Variants in ATMIN observed in about 807,000 individuals in gnomAD.
ATMIN encodes the protein ATM interactor, also known as ATM INteracting protein.
ATMIN carries 24 observed loss-of-function variants against 49.2 expected under a neutral mutation model. That is an observed-to-expected ratio of 0.49 (90% CI 0.35 to 0.69). The LOEUF (loss-of-function observed/expected upper bound fraction) is 0.69, where lower values mean the gene tolerates loss of function less well. Ranked by LOEUF, ATMIN falls within the 30% of genes least tolerant of loss-of-function variation. The pLI, the probability that ATMIN is intolerant of heterozygous loss-of-function variation, is 0.00. For missense variants in ATMIN, 1,037 were observed against 1,005.5 expected (o/e 1.03, Z -0.42); for synonymous variants, 450 against 392.5 (o/e 1.15, Z -1.73).
chr16:81,041,654 C>A (rs977066447), intron 2 of ATMIN, 173 bp downstream of exon 2: 1 of 725,348 alleles, frequency 1.4e-6, no homozygotes, highest in Non-Finnish European at 2.2e-6. Context: ...GAGGGAAAAG[C>A]GGCACGGTCT....
At chr16:81,036,718 G>A (rs1970943190) in intron 1 of ATMIN, among the ~76,000 whole-genome samples, 2 of 152,180 alleles carry the variant, frequency 1.3e-5, no homozygotes, top group South Asian at 2.1e-4. Flanking sequence ...CTAGAAGAGA[G>A]GGTTTTAAAT....
intron 1 of ATMIN, 68 bp downstream of exon 1, chr16:81,036,274 C>CCG: frequency 6.0e-6 from 7 of 1,158,378 alleles, no homozygotes; most frequent in Non-Finnish European, 6.4e-6. Flanking sequence ...GGCGCCGGCG[C>CCG]GCGAAGCCGG....
At chr16:81,041,592 T>C in intron 2 of ATMIN, 111 bp downstream of exon 2, 10 of 1,330,288 alleles carry the variant, frequency 7.5e-6, no homozygotes, top group Non-Finnish European at 9.3e-6. Context: ...TGAGGGGAGA[T>C]GCCTGCGTGT....
At chr16:81,041,244 CTTAAT>C in intron 1 of ATMIN, 107 bp from the exon 2 acceptor site, 1 of 1,208,060 alleles carries the variant, frequency 8.3e-7, no homozygotes, top group Non-Finnish European at 1.2e-6. Flanking sequence ...TGGAAAAACT[CTTAAT>C]TAAAAGTATT....
Position 81,044,515 on chromosome 16 carries a change from C to G in ATMIN, c.2017C>G (p.Gln673Glu). The change falls in exon 4 of 4, where the codon CAA becomes GAA. Residue 673 changes from glutamine to glutamate, a missense_variant. Physicochemically the swap from Gln to Glu is conservative, Grantham distance 29. Transcript: ENST00000299575. ...PVLESLDIET[Q>E]TDFLLADTSA... ...CTTGGAGTCACTGGACATAGAGACT[C>G]AAACGGACTTCTTACTCGCAGATAC... is the stretch of plus-strand genomic sequence containing the variant. 1 of 1,614,124 alleles carries G rather than the reference C, an allele frequency of 6.2e-7. No homozygotes were observed. Among genetic ancestry groups the G allele is most frequent in the Non-Finnish European group, 8.5e-7 (1 of 1,180,036 alleles).
At position 81,044,553 on chromosome 16, in the gene ATMIN, C is replaced by A. The variant is rs74028902; in HGVS notation, c.2055C>A (p.Ser685=). The part of the protein sequence containing the change: ...DFLLADTSAQ[S]YGCRGNSNFL... ...TACTCGCAGATACCTCTGCTCAGTC[C>A]TATGGGTGTAGGGGAAATTCTAACT... Residue 685 remains serine, a synonymous_variant, in exon 4 of 4, where the codon TCC becomes TCA. Coordinates refer to ENST00000299575, the MANE Select transcript of ATMIN (RefSeq NM_015251.3). The A allele has an allele frequency of 8.0e-3, 12,853 of 1,613,968 alleles. 616 individuals are homozygous for A. In the African/African-American group the frequency reaches 0.12, roughly 15 times the overall value.
chr16:81,043,874 C>G lies in ATMIN; in HGVS notation c.1376C>G (p.Thr459Ser), dbSNP rs774496312. 1.9e-6 allele frequency: 3 copies of G among 1,614,090 alleles called. No individual in the cohort carries two copies. The highest frequency in any genetic ancestry group is 2.5e-6 in the Non-Finnish European group (3 of 1,180,062). ...GTGTCTCTTCCCATTAGTGTTCACACTCAGACATTTTTGCCCAGCTCTAAG... is the reference window on the plus strand; with the variant it reads ...GTGTCTCTTCCCATTAGTGTTCACAGTCAGACATTTTTGCCCAGCTCTAAG... ...SQVSLPISVH[T>S]QTFLPSSKVT... The change falls in exon 4 of 4, where the codon ACT (threonine) becomes AGT (serine). Residue 459 changes from threonine (T) to serine (S), a missense_variant. Coordinates refer to ENST00000299575, the MANE Select transcript of ATMIN (RefSeq NM_015251.3).
At position 81,043,766 on chromosome 16, in the gene ATMIN, A is replaced by G; in HGVS notation, c.1268A>G (p.Asn423Ser). 1.2e-6 allele frequency: 2 copies of G among 1,614,168 alleles called. No individual in the cohort carries two copies. Among genetic ancestry groups the G allele is most frequent in the Non-Finnish European group, 1.7e-6 (2 of 1,180,036 alleles). Reference sequence around the variant, plus strand: ...ACAGATCTGTCTTATGCCTCACAAAACTTTATACCTTCTGCACAGTGGGCC... The same window carrying G: ...ACAGATCTGTCTTATGCCTCACAAAGCTTTATACCTTCTGCACAGTGGGCC... ...VQTDLSYASQ[N>S]FIPSAQWATA... The change falls in exon 4 of 4, where the codon AAC becomes AGC. Residue 423 changes from asparagine (N) to serine (S), a missense_variant. Physicochemically the swap from Asn to Ser is conservative, Grantham distance 46. Transcript: ENST00000299575.
intron 1 of ATMIN, 68 bp downstream of exon 1, chr16:81,036,274 C>T (rs1308528611): frequency 6.9e-6 from 8 of 1,158,390 alleles, no homozygotes; most frequent in East Asian, 8.8e-5. Context: ...GGCGCCGGCG[C>T]GCGAAGCCGG....
chr16:81,042,917 A>G (rs1198149459), intron 3 of ATMIN, among the ~76,000 whole-genome samples: 1 of 152,174 alleles, frequency 6.6e-6, no homozygotes, highest in Non-Finnish European at 1.5e-5. Context: ...ATCTGAGTTG[A>G]GTTCTAGTAC....
At position 81,035,861 on chromosome 16, in the gene ATMIN, T is replaced by C. The variant is rs573547224; in HGVS notation, c.-10T>C. ...GCCTACGAACTGGGCCGGGCGGCCGTGCGGGAGCCATGGCGGCCTCGGAGG... is the reference window on the plus strand; with the variant it reads ...GCCTACGAACTGGGCCGGGCGGCCGCGCGGGAGCCATGGCGGCCTCGGAGG... On this transcript the variant is annotated 5_prime_UTR_variant, in exon 1 of 4. Transcript: ENST00000299575. 344 of 860,910 alleles carry C rather than the reference T, an allele frequency of 4.0e-4. 2 individuals carry two copies. The highest frequency in any genetic ancestry group is 6.3e-4 in the Admixed American group (10 of 15,806). The allele number at this position is 860,910 out of a possible 1,614,324, so 53.3% of individuals were successfully genotyped here. A position where few individuals can be genotyped will look rare whatever the true frequency, so the allele number is the denominator to read the frequency against.
chr16:81,041,303 C>T (rs1971033339), intron 1 of ATMIN, 53 bp from the exon 2 acceptor site: 4 of 1,559,288 alleles, frequency 2.6e-6, no homozygotes, highest in Non-Finnish European at 3.5e-6. Context: ...TCCACTCCAG[C>T]CTGTTGTGTT....
At chr16:81,040,899 G>C (rs964117453) in intron 1 of ATMIN, 7 of 153,644 alleles carry the variant, frequency 4.6e-5, no homozygotes, top group African/African-American at 1.7e-4. Context: ...GGGGCACTTA[G>C]AAGAGGACAG....
At chr16:81,036,269 C>G (rs1970930091) in intron 1 of ATMIN, 63 bp downstream of exon 1, 6 of 1,167,532 alleles carry the variant, frequency 5.1e-6, no homozygotes, top group Non-Finnish European at 6.3e-6. Context: ...CGCCCGGCGC[C>G]GGCGCGCGAA....
rs1971128370 is a variant in ATMIN, at chr16:81,046,706, T to G, written c.*1736T>G. 6.6e-6 allele frequency: 1 copy of G among 151,122 alleles called. No homozygotes were observed. The highest frequency in any genetic ancestry group is 1.5e-5 in the Non-Finnish European group (1 of 67,948). The allele number at this position is 151,122 out of a possible 1,614,324, so 9.4% of individuals were successfully genotyped here. ...CACACACACACGACATGCTCCTTTC[T>G]GTGGCACATGCCTGTATTACTGAAA... On this transcript the variant is annotated 3_prime_UTR_variant, in exon 4 of 4. Transcript: ENST00000299575.
Position 81,044,116 on chromosome 16 carries a change from G to C in ATMIN, c.1618G>C (p.Glu540Gln). ...CATTATAAGCAACAGTTTAGTAGCA[G>C]AGACAGTAACTCATAGTTTGTTACC... ...GNIISNSLVA[E>Q]TVTHSLLPQN... The change falls in exon 4 of 4, where the codon GAG becomes CAG. Residue 540 changes from glutamate (E) to glutamine (Q), a missense_variant. Physicochemically the swap from Glu to Gln is conservative, Grantham distance 29. Coordinates refer to ENST00000299575, the MANE Select transcript of ATMIN (RefSeq NM_015251.3). The C allele has an allele frequency of 6.2e-7, 1 of 1,614,148 alleles. No individual in the cohort carries two copies. The highest frequency in any genetic ancestry group is 1.1e-5 in the South Asian group (1 of 91,078).
rs117078057 is a variant in ATMIN at position 81,044,059 on chromosome 16, G to A, written c.1561G>A (p.Val521Ile). The change falls in exon 4 of 4, where the codon GTT becomes ATT. Residue 521 changes from valine (V) to isoleucine (I), a missense_variant. Val to Ile is a conservative substitution (Grantham distance 29). Transcript: ENST00000299575. ...AGMCGDIFES[V>I]HSSYNVATGN... ...AATGTGCGGAGACATTTTTGAGAGT[G>A]TTCATTCATCATATAATGTTGCTAC... 6.3e-4 allele frequency: 1,013 copies of A among 1,614,168 alleles called. 5 individuals carry two copies. The East Asian group carries it at 0.02, about 32-fold the overall frequency.
At position 81,045,336 on chromosome 16, in the gene ATMIN, G is replaced by A. The variant is rs1307578542; in HGVS notation, c.*366G>A. 1 of 200,638 alleles carries A rather than the reference G, an allele frequency of 5.0e-6. No individual in the cohort carries two copies. The highest frequency in any genetic ancestry group is 2.4e-5 in the African/African-American group (1 of 42,432). The allele number at this position is 200,638 out of a possible 1,614,324, so 12.4% of individuals were successfully genotyped here. Reference sequence around the variant, plus strand: ...CTTCTCAAATCTTCAAAACATTTTAGTCAAAGTGTAATATACTTAAACTGC... The same window carrying A: ...CTTCTCAAATCTTCAAAACATTTTAATCAAAGTGTAATATACTTAAACTGC... On this transcript the variant is annotated 3_prime_UTR_variant, in exon 4 of 4. Transcript: ENST00000299575.
At chr16:81,036,272 CGCGCGAA>C in intron 1 of ATMIN, 66 bp downstream of exon 1, 11 of 1,158,220 alleles carry the variant, frequency 9.5e-6, no homozygotes, top group Non-Finnish European at 1.2e-5. Context: ...CCGGCGCCGG[CGCGCGAA>C]GCCGGCCTCG....
Sources: allele counts gnomAD v4.1 joint callset (sites outside exome capture counted in the v4.1 genomes callset), GRCh38; gene constraint gnomAD v4.1.1; transcripts MANE v1.5; gene names NCBI Gene and HGNC (gene_info 2026-07-23, HGNC 2026-07-21).